Variants in EGFLAM observed in about 807,000 individuals in gnomAD.
EGFLAM encodes EGF like, fibronectin type III and laminin G domains.
EGFLAM carries 79 observed loss-of-function variants against 113.1 expected under a neutral mutation model. The ratio of observed to expected loss-of-function variants is 0.70; its 90% CI spans 0.58 to 0.84. The LOEUF is 0.84. EGFLAM is among the 40% of genes least tolerant of loss of function. The pLI, the probability that EGFLAM is intolerant of heterozygous loss-of-function variation, is 0.00. For synonymous variants in EGFLAM, 504 were observed against 487.6 expected, an observed-to-expected ratio of 1.03 and a Z score of -0.44; for missense variants, 1,265 against 1,291.6, an observed-to-expected ratio of 0.98 and a Z score of 0.32.
chr5:38,322,441 G>T (rs990815465), intron 1 of EGFLAM, among the ~76,000 whole-genome samples: 6 of 152,140 alleles, frequency 3.9e-5, no homozygotes, highest in African/African-American at 1.4e-4. Flanking sequence ...GATCCAAACT[G>T]GTCCTTCTAA....
At position 38,408,963 on chromosome 5, in the gene EGFLAM, G is replaced by A. The variant is rs1741381197; in HGVS notation, c.1249-41G>A. 6 of 1,502,810 alleles carry A rather than the reference G, an allele frequency of 4.0e-6. No individual in the cohort carries two copies. In the African/African-American group the frequency reaches 5.5e-5, roughly 14 times the overall value. The allele number at this position is 1,502,810 out of a possible 1,614,324, so 93.1% of individuals were successfully genotyped here. A position where few individuals can be genotyped will look rare whatever the true frequency, so the allele number is the denominator to read the frequency against. ...CCAGGTGGTGCCTTAAGGAAGGGGA[G>A]GTGCTTACTGTTCATGTGGCTTTTG... On this transcript the variant is annotated intron_variant, in intron 9 of 21. Transcript: ENST00000322350.
intron 3 of EGFLAM, among the ~76,000 whole-genome samples, chr5:38,347,917 A>T (rs565316476): frequency 6.6e-6 from 1 of 152,096 alleles, no homozygotes; most frequent in African/African-American, 2.4e-5. Flanking sequence ...GGCTGTAAGG[A>T]TGAAATGACA....
chr5:38,338,178 G>C (rs1362412806), intron 2 of EGFLAM, among the ~76,000 whole-genome samples: 3 of 152,108 alleles, frequency 2.0e-5, no homozygotes, highest in African/African-American at 7.2e-5. Flanking sequence ...CACTCTCTGG[G>C]ATATGGGGAG....
At chr5:38,329,849 T>A (rs1254108179) in intron 1 of EGFLAM, among the ~76,000 whole-genome samples, 3 of 152,146 alleles carry the variant, frequency 2.0e-5, no homozygotes, top group Non-Finnish European at 4.4e-5. Flanking sequence ...CTAATTTGTG[T>A]CCCTATGTCT....
chr5:38,335,031 CA>C (rs1283319877), intron 1 of EGFLAM, among the ~76,000 whole-genome samples: 3 of 152,076 alleles, frequency 2.0e-5, no homozygotes, highest in Non-Finnish European at 4.4e-5. Flanking sequence ...TGCAAAAGGG[CA>C]GCCCCCACAA....
intron 3 of EGFLAM, among the ~76,000 whole-genome samples, chr5:38,340,497 C>A (rs1044876749): frequency 2.0e-5 from 3 of 152,196 alleles, no homozygotes; most frequent in East Asian, 3.9e-4. Context: ...CTATGCCCAA[C>A]ACAAGACAAC....
chr5:38,327,690 A>T (rs1016496596), intron 1 of EGFLAM, among the ~76,000 whole-genome samples: 2 of 152,198 alleles, frequency 1.3e-5, no homozygotes, highest in African/African-American at 4.8e-5. Flanking sequence ...TATCCACCTT[A>T]TACCAATTTC....
Position 38,438,282 on chromosome 5 carries a change from T to C in EGFLAM, c.2291T>C (p.Leu764Pro), listed in dbSNP as rs777450172. The change falls in exon 17 of 22, where the codon CTG becomes CCG. Residue 764 changes from leucine (L) to proline (P), a missense_variant. By Grantham distance (98) the Leu-to-Pro change is moderately conservative. Transcript: ENST00000322350. ...PFSGSIQKII[L>P]NDRTIHVKHD... Reference sequence around the variant, plus strand: ...ATGTTTTTCTCTCTCAAGATCATCCTGAATGACCGAACCATCCATGTGAAG... The same window carrying C: ...ATGTTTTTCTCTCTCAAGATCATCCCGAATGACCGAACCATCCATGTGAAG... The C allele has an allele frequency of 1.9e-6, 3 of 1,612,744 alleles. No homozygotes were observed. Among genetic ancestry groups the C allele is most frequent in the Non-Finnish European group, 2.5e-6 (3 of 1,179,218 alleles).
intron 20 of EGFLAM, among the ~76,000 whole-genome samples, chr5:38,461,477 A>T (rs991867815): frequency 1.3e-5 from 2 of 152,164 alleles, no homozygotes; most frequent in African/African-American, 2.4e-5. Context: ...TATGAACTAG[A>T]GTAAGTAGAA....
intron 1 of EGFLAM, among the ~76,000 whole-genome samples, chr5:38,322,567 A>T (rs1738771308): frequency 6.6e-6 from 1 of 152,188 alleles, no homozygotes; most frequent in South Asian, 2.1e-4. Context: ...TGAAGTATTT[A>T]GGGAGGAACT....
chr5:38,402,598 T>C (rs1741150309), intron 6 of EGFLAM, among the ~76,000 whole-genome samples: 1 of 152,234 alleles, frequency 6.6e-6, no homozygotes, highest in East Asian at 1.9e-4. Context: ...CAGCCAGTTA[T>C]AAAGTCTTCA....
At chr5:38,316,867 T>C (rs764807612) in intron 1 of EGFLAM, among the ~76,000 whole-genome samples, 2 of 152,194 alleles carry the variant, frequency 1.3e-5, no homozygotes, top group Non-Finnish European at 2.9e-5. Flanking sequence ...TTTTGAGTTC[T>C]TACCAAGAAA....
chr5:38,299,753 C>CACTA (rs1758530856), intron 1 of EGFLAM, among the ~76,000 whole-genome samples: 1 of 152,126 alleles, frequency 6.6e-6, no homozygotes, highest in Non-Finnish European at 1.5e-5. Flanking sequence ...CTCCTGCCCT[C>CACTA]ACTAGATAAT....
At chr5:38,282,792 A>G (rs951060999) in intron 1 of EGFLAM, among the ~76,000 whole-genome samples, 8 of 152,200 alleles carry the variant, frequency 5.3e-5, no homozygotes, top group African/African-American at 1.9e-4. Context: ...GGAAACTCCA[A>G]ATCCTGAATC....
chr5:38,434,301 C>T (rs183167173), intron 15 of EGFLAM, among the ~76,000 whole-genome samples: 5 of 152,358 alleles, frequency 3.3e-5, no homozygotes, highest in Non-Finnish European at 7.3e-5. Flanking sequence ...CACCCAGGTG[C>T]ACCCATAGCC....
intron 20 of EGFLAM, among the ~76,000 whole-genome samples, chr5:38,461,467 T>G (rs75687350): frequency 0.021 from 3,249 of 152,274 alleles, 117 homozygotes; most frequent in African/African-American, 0.072. Flanking sequence ...TCTTAGACTT[T>G]ATGAACTAGA....
intron 17 of EGFLAM, among the ~76,000 whole-genome samples, chr5:38,439,052 G>A (rs973985471): frequency 7.2e-5 from 11 of 152,166 alleles, no homozygotes; most frequent in Non-Finnish European, 1.3e-4. Flanking sequence ...AACACAGAGG[G>A]TTATAGTATT....
At chr5:38,445,761 C>T (rs528320485) in intron 17 of EGFLAM, 1 of 1,561,022 alleles carries the variant, frequency 6.4e-7, no homozygotes, top group African/African-American at 1.3e-5. Flanking sequence ...GGCAGGCCAA[C>T]CGCATGCAGG....
chr5:38,321,338 G>A (rs1326479525), intron 1 of EGFLAM, among the ~76,000 whole-genome samples: 1 of 152,224 alleles, frequency 6.6e-6, no homozygotes, highest in East Asian at 1.9e-4. Context: ...CTAGTAATGG[G>A]GACTGACTGT....
Sources: gnomAD v4.1 joint callset for allele counts (sites outside exome capture counted in the v4.1 genomes callset) on GRCh38, gnomAD v4.1.1 for gene constraint, MANE v1.5 for transcripts, NCBI Gene and HGNC (gene_info 2026-07-23, HGNC 2026-07-21) for gene names.